Variants in OSBPL9 observed in about 807,000 individuals in gnomAD.
OSBPL9 encodes the protein oxysterol binding protein like 9.
In OSBPL9, 40 loss-of-function variants were observed where a neutral mutation model predicts 106.6. The ratio of observed to expected loss-of-function variants is 0.38; its 90% CI spans 0.29 to 0.49. OSBPL9 has a LOEUF of 0.49. OSBPL9 is among the 20% of genes least tolerant of loss of function. The pLI is 0.97. For missense variants in OSBPL9, 609 were observed against 887.2 expected (o/e 0.69, Z 3.98); for synonymous variants, 269 against 295.4 (o/e 0.91, Z 0.92).
chr1:51,640,800 A>G (rs942684077), intron 1 of OSBPL9, among the ~76,000 whole-genome samples: 2 of 143,942 alleles, frequency 1.4e-5, no homozygotes, highest in South Asian at 2.2e-4. Context: ...TGTAAAGATA[A>G]TTTTTTTTTT....
chr1:51,695,979 A>G (rs1240433258), intron 3 of OSBPL9, among the ~76,000 whole-genome samples: 1 of 152,202 alleles, frequency 6.6e-6, no homozygotes, highest in African/African-American at 2.4e-5. Flanking sequence ...GTAGTGGTTC[A>G]TGGAAGAGTA....
the OSBPL9 span, among the ~76,000 whole-genome samples, chr1:51,564,052 C>CAAAAAAAAAAAAAAA: frequency 2.0e-3 from 55 of 27,360 alleles, 4 homozygotes; most frequent in East Asian, 3.4e-3. Context: ...GAGATCATCT[C>CAAAAAAAAAAAAAAA]AAAAAAAAAA....
At chr1:51,732,466 A>T (rs1664673871) in intron 4 of OSBPL9, among the ~76,000 whole-genome samples, 1 of 152,244 alleles carries the variant, frequency 6.6e-6, no homozygotes, top group Admixed American at 6.5e-5. Context: ...GCTTGAAAGA[A>T]TAGTTCTTAT....
chr1:51,647,747 T>G (rs1646257104), intron 1 of OSBPL9, among the ~76,000 whole-genome samples: 1 of 152,184 alleles, frequency 6.6e-6, no homozygotes, highest in Non-Finnish European at 1.5e-5. Context: ...ATTCCTGATT[T>G]TAGTACTTTG....
intron 11 of OSBPL9, among the ~76,000 whole-genome samples, chr1:51,763,045 G>A (rs1182065050): frequency 6.6e-6 from 1 of 152,110 alleles, no homozygotes; most frequent in East Asian, 1.9e-4. Context: ...TCACTCTGTT[G>A]CCCAGGCTGG....
At chr1:51,681,315 A>G (rs1212110514) in intron 3 of OSBPL9, among the ~76,000 whole-genome samples, 2 of 152,326 alleles carry the variant, frequency 1.3e-5, no homozygotes, top group East Asian at 1.9e-4. Flanking sequence ...ACCACATACT[A>G]TAAAGTCCTT....
intron 16 of OSBPL9, among the ~76,000 whole-genome samples, chr1:51,782,307 G>A (rs1676573196): frequency 6.6e-6 from 1 of 152,114 alleles, no homozygotes; most frequent in Admixed American, 6.5e-5. Context: ...TTATTCATTT[G>A]GCAGACATTG....
At chr1:51,519,148 G>A in the OSBPL9 span, 3 of 1,336,996 alleles carry the variant, frequency 2.2e-6, no homozygotes, top group Non-Finnish European at 3.0e-6. Context: ...GAGGGCGGTG[G>A]GGGAGGGGGC....
chr1:51,740,999 ACTCCT>A (rs919535772), intron 4 of OSBPL9, among the ~76,000 whole-genome samples: 6 of 152,098 alleles, frequency 3.9e-5, no homozygotes, highest in African/African-American at 1.4e-4. Flanking sequence ...CTCTTGCAGT[ACTCCT>A]TTTAATGGGG....
At chr1:51,722,615 G>T (rs1253604145) in intron 4 of OSBPL9, among the ~76,000 whole-genome samples, 1 of 152,208 alleles carries the variant, frequency 6.6e-6, no homozygotes, top group Non-Finnish European at 1.5e-5. Flanking sequence ...ACAAGGCGTT[G>T]TGGGGTTGTA....
intron 1 of OSBPL9, among the ~76,000 whole-genome samples, chr1:51,651,432 G>T (rs369032609): frequency 6.6e-6 from 1 of 151,902 alleles, no homozygotes; most frequent in Non-Finnish European, 1.5e-5. Context: ...GTGAAACCCC[G>T]TCTCTATCAA....
At chr1:51,652,184 T>TTCTC in intron 2 of OSBPL9, 143 bp downstream of exon 2, 1 of 609,066 alleles carries the variant, frequency 1.6e-6, no homozygotes, top group Non-Finnish European at 2.8e-6. Flanking sequence ...AAAATGTGAT[T>TTCTC]TCTCCAAGTA....
chr1:51,721,436 C>T (rs963766023), intron 4 of OSBPL9, among the ~76,000 whole-genome samples: 1 of 151,870 alleles, frequency 6.6e-6, no homozygotes, highest in African/African-American at 2.4e-5. Context: ...AAAGAAGTAT[C>T]AGGTATGATA....
chr1:51,629,043 C>G (rs1644947013), intron 1 of OSBPL9, among the ~76,000 whole-genome samples: 1 of 152,104 alleles, frequency 6.6e-6, no homozygotes, highest in Admixed American at 6.6e-5. Context: ...CAAACTTGTT[C>G]TTGCCTCAGG....
chr1:51,575,454 G>A (rs1331527155), upstream of OSBPL9, among the ~76,000 whole-genome samples: 6 of 150,802 alleles, frequency 4.0e-5, no homozygotes, highest in Non-Finnish European at 3.0e-5. Flanking sequence ...CAAGTGATCC[G>A]CCTGCCTCGG....
the OSBPL9 span, among the ~76,000 whole-genome samples, chr1:51,563,322 A>C: frequency 6.6e-6 from 1 of 151,976 alleles, no homozygotes; most frequent in Non-Finnish European, 1.5e-5. Flanking sequence ...CCAGTTCCTG[A>C]CCCCAAACCC....
intron 2 of OSBPL9, among the ~76,000 whole-genome samples, chr1:51,603,035 A>G (rs1053371030): frequency 2.6e-5 from 4 of 152,164 alleles, no homozygotes; most frequent in Admixed American, 2.6e-4. Context: ...GTGCACCTGT[A>G]GTCCCAGTTA....
At chr1:51,544,483 G>C in the OSBPL9 span, among the ~76,000 whole-genome samples, 10 of 152,174 alleles carry the variant, frequency 6.6e-5, no homozygotes, top group Admixed American at 5.2e-4. Context: ...GATTCGATCA[G>C]CGTGAACACA....
upstream of OSBPL9, among the ~76,000 whole-genome samples, chr1:51,615,255 A>AAAAAC (rs147586998): frequency 0.012 from 1,880 of 152,230 alleles, 41 homozygotes; most frequent in African/African-American, 0.043. Context: ...TCCATCTCAA[A>AAAAAC]AAAACAAAAC....
Sources: gnomAD v4.1 joint callset for allele counts (sites outside exome capture counted in the v4.1 genomes callset) on GRCh38, gnomAD v4.1.1 for gene constraint, MANE v1.5 for transcripts, NCBI Gene and HGNC (gene_info 2026-07-23, HGNC 2026-07-21) for gene names.